GCGR: variants seen among roughly 807,000 people sequenced by gnomAD.
The protein encoded by GCGR is glucagon receptor.
GCGR carries 41 observed loss-of-function variants against 56.1 expected under a neutral mutation model. That is an observed-to-expected ratio of 0.73 (90% CI 0.57 to 0.95). The LOEUF is 0.95. Among genes scored for constraint, GCGR ranks in the 40% least tolerant of loss-of-function variants. The pLI, the probability that GCGR is intolerant of heterozygous loss-of-function variation, is 0.00. For synonymous variants in GCGR, 278 were observed against 271.1 expected, an observed-to-expected ratio of 1.03 and a Z score of -0.25; for missense variants, 595 against 638.2, an observed-to-expected ratio of 0.93 and a Z score of 0.73.
rs764269382 is a variant in GCGR at position 81,813,723 on chromosome 17, G to A, written c.*34G>A. On this transcript the variant is annotated 3_prime_UTR_variant, in exon 14 of 14. Coordinates refer to ENST00000400723, the MANE Select transcript of GCGR (RefSeq NM_000160.5). The surrounding 1 kb of genome is among the most constrained non-coding windows in gnomAD (Gnocchi z 5.3). ...GGGACCCCAGCTAGGGCTGGACTCT[G>A]GCACCCAGAGGGCGTCGCTGGACAA... 7.4e-5 allele frequency: 113 copies of A among 1,523,770 alleles called. No homozygotes were observed. The highest frequency in any genetic ancestry group is 9.8e-5 in the Non-Finnish European group (111 of 1,138,408). The allele number at this position is 1,523,770 out of a possible 1,614,324, so 94.4% of individuals were successfully genotyped here. A position where few individuals can be genotyped will look rare whatever the true frequency, so the allele number is the denominator to read the frequency against.
chr17:81,813,144 C>T lies in GCGR; in HGVS notation c.1218+87C>T. The T allele has an allele frequency of 6.6e-7, 1 of 1,523,132 alleles. No homozygotes were observed. Among genetic ancestry groups the T allele is most frequent in the Non-Finnish European group, 8.8e-7 (1 of 1,136,860 alleles). The allele number at this position is 1,523,132 out of a possible 1,614,324, so 94.4% of individuals were successfully genotyped here. A position where few individuals can be genotyped will look rare whatever the true frequency, so the allele number is the denominator to read the frequency against. ...GAGGCACAGGGATGCCAGCCCCACC[C>T]CTGCCCGGGGGTTGGAACACGTGGG... On this transcript the variant is annotated intron_variant, in intron 13 of 13. Coordinates refer to ENST00000400723, the MANE Select transcript of GCGR (RefSeq NM_000160.5). This position sits in a 1 kb window ranked among gnomAD's most constrained non-coding sequence, Gnocchi z 5.3.
chr17:81,811,283 C>T lies in GCGR; in HGVS notation c.455C>T (p.Ser152Phe). 1 of 1,536,044 alleles carries T rather than the reference C, an allele frequency of 6.5e-7. No homozygotes were observed. Among genetic ancestry groups the T allele is most frequent in the Non-Finnish European group, 8.7e-7 (1 of 1,146,676 alleles). Residue 152 changes from serine to phenylalanine, a missense_variant, in exon 6 of 14, where the codon TCC (serine) becomes TTC (phenylalanine). Coordinates refer to ENST00000400723, the MANE Select transcript of GCGR (RefSeq NM_000160.5). This position sits in a 1 kb window ranked among gnomAD's most constrained non-coding sequence, Gnocchi z 5.8. Reference protein sequence around the residue: ...QVMYTVGYSLSLGALLLALAI... With the variant: ...QVMYTVGYSLFLGALLLALAI... The stretch of plus-strand genomic sequence containing the variant: ...ATGTACACAGTGGGCTACAGCCTGT[C>T]CCTGGGGGCCCTGCTCCTCGCCTTG...
Position 81,811,766 on chromosome 17 carries a change from T to C in GCGR, c.773T>C (p.Leu258Pro), listed in dbSNP as rs1235094308. 1.3e-6 allele frequency: 2 copies of C among 1,538,260 alleles called. No homozygotes were observed. Among genetic ancestry groups the C allele is most frequent in the Middle Eastern group, 1.7e-4 (1 of 5,992 alleles). Residue 258 changes from leucine to proline, a missense_variant, in exon 8 of 14, where the codon CTC becomes CCC. Transcript: ENST00000400723. This position sits in a 1 kb window ranked among gnomAD's most constrained non-coding sequence, Gnocchi z 5.8. ...CACAACCTGCTGGGCCTGGCCACCC[T>C]CCCCGAGAGGAGCTTCTTCAGCCTC... ...YLHNLLGLAT[L>P]PERSFFSLYL...
rs2037962467 is a variant in GCGR at position 81,806,238 on chromosome 17, G to GGA, written c.-178+1990_-178+1991dup. 6.6e-6 allele frequency among the ~76,000 whole-genome samples: 1 copy of GGA among 152,090 alleles called. No individual in the cohort carries two copies. Among genetic ancestry groups the GGA allele is most frequent in the Non-Finnish European group, 1.5e-5 (1 of 67,996 alleles). On this transcript the variant is annotated intron_variant, in intron 1 of 13. Transcript: ENST00000400723. The surrounding 1 kb of genome is among the most constrained non-coding windows in gnomAD (Gnocchi z 6.5). ...GGACCCACCACCCGCAGGGAACGGA[G>GGA]GACGCTCACACTTCTGCACCTCCTG...
In GCGR at chr17:81,811,887, TGCCCC is replaced by T; in HGVS notation, c.820_824del (p.Ala274HisfsTer24). 1.3e-6 allele frequency: 2 copies of T among 1,537,010 alleles called. No individual in the cohort carries two copies. Among genetic ancestry groups the T allele is most frequent in the Non-Finnish European group, 1.7e-6 (2 of 1,146,874 alleles). On this transcript the variant is annotated frameshift_variant and splice_region_variant, in exon 9 of 14. Coordinates refer to ENST00000400723, the MANE Select transcript of GCGR (RefSeq NM_000160.5). LOFTEE classifies it high-confidence loss of function. This position sits in a 1 kb window ranked among gnomAD's most constrained non-coding sequence, Gnocchi z 5.8. ...GACCACAGCTGCTGCCCCCCACAGG[TGCCCC>T]CATGCTGTTCGTCGTCCCCTGGGCA...
intron 1 of GCGR, among the ~76,000 whole-genome samples, chr17:81,808,182 C>T (rs1268507667): frequency 6.6e-6 from 1 of 152,238 alleles, no homozygotes; most frequent in Non-Finnish European, 1.5e-5. Flanking sequence ...AGCCACTTTG[C>T]TCGCTGTGGC....
At chr17:81,808,677 G>T (rs1194721315) in intron 1 of GCGR, among the ~76,000 whole-genome samples, 165 bp from the exon 2 acceptor site, 1 of 152,052 alleles carries the variant, frequency 6.6e-6, no homozygotes, top group African/African-American at 2.4e-5. Flanking sequence ...CCGCCACCAC[G>T]CCTGGCTAAT....
Position 81,809,068 on chromosome 17 carries a change from T to C in GCGR, c.50T>C (p.Leu17Pro), listed in dbSNP as rs953530197. 2.1e-5 allele frequency: 33 copies of C among 1,535,918 alleles called. No individual in the cohort carries two copies. The highest frequency in any genetic ancestry group is 9.8e-5 in the East Asian group (4 of 40,930). ...QRPLLLLLLL[L>P]ACQPQVPSAQ... Reference sequence around the variant, plus strand: ...CCCCTGCTGCTGTTGCTGCTGCTGCTGGCCTGCCAGGTGAGGACTCACAGC... The same window carrying C: ...CCCCTGCTGCTGTTGCTGCTGCTGCCGGCCTGCCAGGTGAGGACTCACAGC... Residue 17 changes from leucine (L) to proline (P), a missense_variant, in exon 2 of 14, where the codon CTG becomes CCG. Leu to Pro is a moderately conservative substitution (Grantham distance 98). Transcript: ENST00000400723.
rs913938544 is a variant in GCGR at position 81,804,616 on chromosome 17, C to G, written c.-178+367C>G. Among the ~76,000 whole-genome samples the G allele has an allele frequency of 6.6e-6, 1 of 152,044 alleles. No individual in the cohort carries two copies. Among genetic ancestry groups the G allele is most frequent in the African/African-American group, 2.4e-5 (1 of 41,408 alleles). On this transcript the variant is annotated intron_variant, in intron 1 of 13. Coordinates refer to ENST00000400723, the MANE Select transcript of GCGR (RefSeq NM_000160.5). The surrounding 1 kb of genome is among the most constrained non-coding windows in gnomAD (Gnocchi z 8.2). ...CCGGGCCCCGCCGCCCTGGGGAGCGCACAAAGCGCCGCGGACGCGTCCCCG... is the reference window on the plus strand; with the variant it reads ...CCGGGCCCCGCCGCCCTGGGGAGCGGACAAAGCGCCGCGGACGCGTCCCCG...
rs1191296080 is a variant in GCGR at position 81,809,142 on chromosome 17, CTCTG to C, written c.60+69_60+72del. The C allele has an allele frequency of 6.1e-5, 90 of 1,480,178 alleles. No homozygotes were observed. In the African/African-American group the frequency reaches 7.9e-4, roughly 13 times the overall value. The allele number at this position is 1,480,178 out of a possible 1,614,324, so 91.7% of individuals were successfully genotyped here. A position where few individuals can be genotyped will look rare whatever the true frequency, so the allele number is the denominator to read the frequency against. On this transcript the variant is annotated intron_variant, in intron 2 of 13. Coordinates refer to ENST00000400723, the MANE Select transcript of GCGR (RefSeq NM_000160.5). ...CTGTGAGGACTGCACACTGATGGCT[CTCTG>C]TCTGCCTGCCTGCCTGCCTGCCTGT...
rs556922039 is a variant in GCGR, at chr17:81,811,998, G to A, written c.878+52G>A. 1.9e-4 allele frequency: 294 copies of A among 1,534,614 alleles called. 1 individual carries two copies. The highest frequency in any genetic ancestry group is 1.2e-3 in the South Asian group (103 of 84,004). On this transcript the variant is annotated intron_variant, in intron 9 of 13. Coordinates refer to ENST00000400723, the MANE Select transcript of GCGR (RefSeq NM_000160.5). The surrounding 1 kb of genome is among the most constrained non-coding windows in gnomAD (Gnocchi z 5.8). The stretch of plus-strand genomic sequence containing the variant: ...GGGAGGGACCGGGGGGCTGGGGTGC[G>A]GCGCTCTGGCCTGAGGCAGGGAGGG...
chr17:81,813,560 C>T lies in GCGR; in HGVS notation c.1305C>T (p.Ala435=). 1 of 1,536,396 alleles carries T rather than the reference C, an allele frequency of 6.5e-7. No individual in the cohort carries two copies. Among genetic ancestry groups the T allele is most frequent in the Non-Finnish European group, 8.7e-7 (1 of 1,146,822 alleles). The part of the protein sequence containing the change: ...WEERNTSNHR[A]SSSPGHGPPS... ...AGCGGAACACCAGCAACCACAGGGC[C>T]TCATCTTCGCCCGGCCACGGCCCTC... The change falls in exon 14 of 14, where the codon GCC becomes GCT. Residue 435 remains alanine (A), a synonymous_variant. Transcript: ENST00000400723. This position sits in a 1 kb window ranked among gnomAD's most constrained non-coding sequence, Gnocchi z 5.3.
intron 1 of GCGR, among the ~76,000 whole-genome samples, chr17:81,807,585 C>T (rs146265607): frequency 0.14 from 21,921 of 152,288 alleles, 1,764 homozygotes; most frequent in Admixed American, 0.21. Flanking sequence ...CCCCTCTCCC[C>T]GGCTTCCCCC....
chr17:81,809,462 TCTGC>T (rs1329827695), intron 2 of GCGR, among the ~76,000 whole-genome samples: 12 of 137,796 alleles, frequency 8.7e-5, no homozygotes, highest in East Asian at 7.1e-4. Context: ...TGCCTGTCTG[TCTGC>T]CTGCCTGTCT....
rs1321818042 is a variant in GCGR at position 81,804,606 on chromosome 17, C to G, written c.-178+357C>G. ...ACTCAGGGCCCCGGGCCCCGCCGCC[C>G]TGGGGAGCGCACAAAGCGCCGCGGA... On this transcript the variant is annotated intron_variant, in intron 1 of 13. Transcript: ENST00000400723. The surrounding 1 kb of genome is among the most constrained non-coding windows in gnomAD (Gnocchi z 8.2). 6.6e-6 allele frequency among the ~76,000 whole-genome samples: 1 copy of G among 152,016 alleles called. No homozygotes were observed.
intron 1 of GCGR, among the ~76,000 whole-genome samples, chr17:81,807,491 A>C (rs1353537118): frequency 6.6e-6 from 1 of 152,196 alleles, no homozygotes; most frequent in Non-Finnish European, 1.5e-5. Context: ...AGGAGGCTAA[A>C]ATCCAGGCTG....
intron 1 of GCGR, among the ~76,000 whole-genome samples, chr17:81,807,834 G>A (rs904787546): frequency 1.8e-4 from 27 of 152,376 alleles, no homozygotes; most frequent in African/African-American, 6.5e-4. Flanking sequence ...TTGTGTAGCT[G>A]TTGCCACCCC....
rs1352305594 is a variant in GCGR at position 81,811,504 on chromosome 17, C to T, written c.601C>T (p.Arg201Cys). ...GGTCATTGATGGGCTGCTCAGGACC[C>T]GCTACAGCCAGAAAATTGGCGACGA... is the stretch of plus-strand genomic sequence containing the variant. ...VLVIDGLLRT[R>C]YSQKIGDDLS... The change falls in exon 7 of 14, where the codon CGC becomes TGC. Residue 201 changes from arginine to cysteine, a missense_variant. By Grantham distance (180) the Arg-to-Cys change is radical. Transcript: ENST00000400723. This position sits in a 1 kb window ranked among gnomAD's most constrained non-coding sequence, Gnocchi z 5.8. The T allele has an allele frequency of 2.6e-6, 4 of 1,536,518 alleles. No homozygotes were observed. Among genetic ancestry groups the T allele is most frequent in the South Asian group, 2.4e-5 (2 of 84,072 alleles).
Position 81,812,637 on chromosome 17 carries a change from C to T in GCGR, c.1009C>T (p.Gln337Ter). ...GCTCGTGGCCAAGCTGCGGGCACGG[C>T]AGATGCACCACACAGACTACAAGTT... is the stretch of plus-strand genomic sequence containing the variant. ...QLLVAKLRAR[Q>*]MHHTDYKFRL... Residue 337 changes from glutamine to a stop codon, truncating the protein, a stop_gained, in exon 11 of 14, where the codon CAG becomes TAG. Coordinates refer to ENST00000400723, the MANE Select transcript of GCGR (RefSeq NM_000160.5). LOFTEE classifies it high-confidence loss of function. The surrounding 1 kb of genome is among the most constrained non-coding windows in gnomAD (Gnocchi z 8.5). 1 of 1,536,416 alleles carries T rather than the reference C, an allele frequency of 6.5e-7. No individual in the cohort carries two copies. Among genetic ancestry groups the T allele is most frequent in the Non-Finnish European group, 8.7e-7 (1 of 1,146,782 alleles).
Sources: gnomAD v4.1 joint callset for allele counts (sites outside exome capture counted in the v4.1 genomes callset) on GRCh38, gnomAD v4.1.1 for gene constraint, Gnocchi (gnomAD v3.1) non-coding constraint, MANE v1.5 for transcripts, NCBI Gene and HGNC (gene_info 2026-07-23, HGNC 2026-07-21) for gene names.